The following SLC12A8 variants were observed in gnomAD, a reference collection of about 807,000 sequenced individuals.
SLC12A8 encodes cation-chloride cotransporter 9.
A neutral mutation model predicts 75.6 loss-of-function variants in SLC12A8; 69 were observed. The observed-to-expected ratio is 0.91, with a 90% CI of 0.75 to 1.11. The LOEUF (loss-of-function observed/expected upper bound fraction) is 1.11, where lower values mean the gene tolerates loss of function less well. Among genes scored for constraint, SLC12A8 ranks in the 50% most tolerant of loss-of-function variants. The pLI is 0.00. For missense variants in SLC12A8, 877 were observed against 896.7 expected (o/e 0.98, Z 0.28); for synonymous variants, 365 against 372.8 (o/e 0.98, Z 0.24).
At chr3:125,150,014 T>C (rs1372300467) in intron 5 of SLC12A8, among the ~76,000 whole-genome samples, 1 of 152,216 alleles carries the variant, frequency 6.6e-6, no homozygotes, top group Non-Finnish European at 1.5e-5. Context: ...CAAGAATGCC[T>C]TTGAGAATCT....
chr3:125,161,748 C>T (rs890834738), intron 5 of SLC12A8, among the ~76,000 whole-genome samples: 1 of 152,058 alleles, frequency 6.6e-6, no homozygotes, highest in African/African-American at 2.4e-5. Flanking sequence ...CTTCCCAGCA[C>T]GTGGGCATTC....
chr3:125,138,314 T>C (rs1180188120), intron 5 of SLC12A8, among the ~76,000 whole-genome samples: 1 of 152,104 alleles, frequency 6.6e-6, no homozygotes, highest in Non-Finnish European at 1.5e-5. Context: ...GGCGAGAGGA[T>C]TGCTTGAACC....
chr3:125,198,896 G>A (rs1317983681), intron 2 of SLC12A8, among the ~76,000 whole-genome samples: 1 of 151,466 alleles, frequency 6.6e-6, no homozygotes, highest in East Asian at 2.0e-4. Flanking sequence ...CCCTGCCTCA[G>A]CCTCCCCAGT....
rs113983169 is a variant in SLC12A8 at position 125,156,725 on chromosome 3, G to C, written c.623-20943C>G. 8.6e-3 allele frequency among the ~76,000 whole-genome samples: 1,308 copies of C among 152,254 alleles called. 21 individuals are homozygous for C. The highest frequency in any genetic ancestry group is 0.029 in the African/African-American group (1,220 of 41,526). On this transcript the variant is annotated intron_variant, in intron 5 of 13. Transcript: ENST00000469902. ...TCTTCATCTCTACCCCACCTCGACT[G>C]CATCAGTCCAGGCTGTGTCTTCTCT...
At chr3:125,188,897 G>A (rs1267665889) in intron 3 of SLC12A8, among the ~76,000 whole-genome samples, 1 of 152,196 alleles carries the variant, frequency 6.6e-6, no homozygotes, top group Non-Finnish European at 1.5e-5. Context: ...GAGAGCTTAG[G>A]AAGGTCTGGT....
intron 8 of SLC12A8, among the ~76,000 whole-genome samples, chr3:125,116,083 C>T (rs971850412): frequency 2.0e-5 from 3 of 152,190 alleles, no homozygotes; most frequent in East Asian, 3.9e-4. Flanking sequence ...GCTACTGCAG[C>T]GGAGTCAGTC....
intron 4 of SLC12A8, among the ~76,000 whole-genome samples, chr3:125,180,307 C>G (rs1027457208): frequency 6.6e-6 from 1 of 152,112 alleles, no homozygotes; most frequent in African/African-American, 2.4e-5. Context: ...GTGTTTTAAC[C>G]CCTCCGTGAA....
intron 5 of SLC12A8, among the ~76,000 whole-genome samples, chr3:125,163,701 G>A (rs1934224609): frequency 6.6e-6 from 1 of 152,166 alleles, no homozygotes; most frequent in African/African-American, 2.4e-5. Context: ...GCCTCTTTAG[G>A]GGCCCTGTGA....
intron 10 of SLC12A8, among the ~76,000 whole-genome samples, chr3:125,102,027 CAAAT>C (rs565754529): frequency 6.6e-6 from 1 of 151,936 alleles, no homozygotes; most frequent in Non-Finnish European, 1.5e-5. Context: ...TTAAGATAGA[CAAAT>C]AAACCTAAAG....
rs144403442 is a variant in SLC12A8, at chr3:125,187,459, A to T, written c.199-31T>A. 6.8e-5 allele frequency: 110 copies of T among 1,605,884 alleles called. 3 individuals carry two copies. The South Asian group carries it at 1.2e-3, about 18-fold the overall frequency. ...GCAGAATAGCAAGGAGCAAGGTTGG[A>T]TTAGGTGAGGAGGCCCCGCCAGCTC... On this transcript the variant is annotated intron_variant, in intron 3 of 13. Coordinates refer to ENST00000469902, the MANE Select transcript of SLC12A8 (RefSeq NM_024628.6).
intron 5 of SLC12A8, among the ~76,000 whole-genome samples, chr3:125,149,965 G>A (rs9834609): frequency 0.2 from 30,714 of 152,094 alleles, 3,866 homozygotes; most frequent in African/African-American, 0.35. Context: ...ACCCTGAAAA[G>A]TACCTCTGTT....
At chr3:125,113,919 G>C (rs1939246651) in intron 8 of SLC12A8, among the ~76,000 whole-genome samples, 1 of 152,158 alleles carries the variant, frequency 6.6e-6, no homozygotes, top group Admixed American at 6.5e-5. Flanking sequence ...CAAAGGACTG[G>C]ATTTAAAGTC....
intron 4 of SLC12A8, among the ~76,000 whole-genome samples, chr3:125,179,733 A>AGAGAGAGAGAGAGAGAGAGAGAGAG (rs1560077720): frequency 5.9e-5 from 8 of 134,984 alleles, no homozygotes; most frequent in African/African-American, 2.4e-4. Context: ...GAGAGAGAGA[A>AGAGAGAGAGAGAGAGAGAGAGAGAG]AGAGAAAGAC....
At chr3:125,090,475 C>T (rs911835872) in intron 12 of SLC12A8, among the ~76,000 whole-genome samples, 4 of 152,178 alleles carry the variant, frequency 2.6e-5, no homozygotes, top group African/African-American at 9.7e-5. Flanking sequence ...TGTAGACTTA[C>T]TGATTGTATA....
At chr3:125,111,216 C>A (rs1939179748) in intron 8 of SLC12A8, among the ~76,000 whole-genome samples, 5 of 152,168 alleles carry the variant, frequency 3.3e-5, no homozygotes, top group Admixed American at 3.3e-4. Context: ...TGGTGCCCAA[C>A]ACAGAAATAT....
rs370564669 is a variant in SLC12A8, at chr3:125,107,596, C to T, written c.1590G>A (p.Gly530=). 2 of 1,614,174 alleles carry T rather than the reference C, an allele frequency of 1.2e-6. No homozygotes were observed. The highest frequency in any genetic ancestry group is 1.7e-6 in the Non-Finnish European group (2 of 1,180,032). Residue 530 remains glycine (G), a synonymous_variant, in exon 10 of 14, where the codon GGG becomes GGA. Transcript: ENST00000469902. The part of the protein sequence containing the change: ...SDRLPAASWE[G]QESCWNKQTS... Reference sequence around the variant, plus strand: ...TCTGCTTGTTCCAGCAGGACTCCTGCCCCTCCCAGGAGGCAGCGGGCAACC... The same window carrying T: ...TCTGCTTGTTCCAGCAGGACTCCTGTCCCTCCCAGGAGGCAGCGGGCAACC...
intron 8 of SLC12A8, among the ~76,000 whole-genome samples, chr3:125,115,412 A>G (rs1286938606): frequency 1.3e-5 from 2 of 152,126 alleles, no homozygotes; most frequent in Non-Finnish European, 2.9e-5. Flanking sequence ...AATCCCAGCT[A>G]CTTGGGGGGC....
intron 5 of SLC12A8, among the ~76,000 whole-genome samples, chr3:125,173,621 A>G (rs1249308317): frequency 6.6e-6 from 1 of 152,206 alleles, no homozygotes; most frequent in African/African-American, 2.4e-5. Flanking sequence ...CCAAGGACCC[A>G]AGGCATGATC....
chr3:125,120,968 G>T (rs540979256), intron 6 of SLC12A8: 12 of 668,280 alleles, frequency 1.8e-5, no homozygotes, highest in Non-Finnish European at 3.2e-5. Flanking sequence ...AACCAGGGGG[G>T]AGGAAAGCGG....
Sources: allele counts gnomAD v4.1 joint callset (sites outside exome capture counted in the v4.1 genomes callset), GRCh38; gene constraint gnomAD v4.1.1; transcripts MANE v1.5; gene names NCBI Gene and HGNC (gene_info 2026-07-23, HGNC 2026-07-21).